MRAP2: variants seen among roughly 807,000 people sequenced by gnomAD.
The protein encoded by MRAP2 is melanocortin-2 receptor accessory protein 2.
MRAP2 carries 20 observed loss-of-function variants against 17.4 expected under a neutral mutation model. That is an observed-to-expected ratio of 1.15 (90% CI 0.81 to 1.67). The LOEUF is 1.67. MRAP2 is among the 40% of genes most tolerant of loss of function. The probability of loss-of-function intolerance (pLI) is 0.00; values close to 1 mark genes in which losing one functional copy is unlikely to be tolerated. For missense variants in MRAP2, 238 were observed against 240.0 expected (o/e 0.99, Z 0.05); for synonymous variants, 96 against 88.4 (o/e 1.09, Z -0.48).
chr6:84,104,250 C>T, the MRAP2 span, among the ~76,000 whole-genome samples: 1 of 152,178 alleles, frequency 6.6e-6, no homozygotes, highest in Non-Finnish European at 1.5e-5. Flanking sequence ...CCCTAGGCTG[C>T]ACACAGCACA....
At chr6:84,068,314 T>C (rs1426775074) in intron 3 of MRAP2, among the ~76,000 whole-genome samples, 1 of 152,212 alleles carries the variant, frequency 6.6e-6, no homozygotes, top group African/African-American at 2.4e-5. Context: ...TGAAACCAGA[T>C]AGTATGATCC....
chr6:84,083,268 G>T (rs2099499474), intron 3 of MRAP2, among the ~76,000 whole-genome samples: 1 of 152,178 alleles, frequency 6.6e-6, no homozygotes, highest in Admixed American at 6.5e-5. Flanking sequence ...ACCATGCCTG[G>T]CCTGTTTACT....
chr6:84,121,904 C>G, the MRAP2 span, among the ~76,000 whole-genome samples: 1 of 148,704 alleles, frequency 6.7e-6, no homozygotes, highest in Non-Finnish European at 1.5e-5. Flanking sequence ...AAACAACAAA[C>G]TGAGTTCAAA....
chr6:84,049,164 T>C lies in MRAP2; in HGVS notation c.-7-6148T>C, dbSNP rs2099489777. ...TTCTGGCTGGGTGCGGTGGCTCATG[T>C]CTGTAATCCCAGCACTTTGGGAGGC... is the stretch of plus-strand genomic sequence containing the variant. On this transcript the variant is annotated intron_variant, in intron 1 of 3. Transcript: ENST00000257776. Among the ~76,000 whole-genome samples, 3 of 152,108 alleles carry C rather than the reference T, an allele frequency of 2.0e-5. No individual in the cohort carries two copies. The South Asian group carries it at 6.2e-4, about 32-fold the overall frequency.
downstream of MRAP2, among the ~76,000 whole-genome samples, chr6:84,091,646 T>G (rs547355633): frequency 1.8e-4 from 27 of 152,204 alleles, no homozygotes; most frequent in Admixed American, 2.6e-4. Context: ...TAGAAGTAGA[T>G]TTATTGATCA....
chr6:84,068,079 T>G (rs1001939075), intron 3 of MRAP2, among the ~76,000 whole-genome samples: 1 of 152,152 alleles, frequency 6.6e-6, no homozygotes, highest in Non-Finnish European at 1.5e-5. Flanking sequence ...AGGTGAGAGA[T>G]AAGGATCCAG....
the MRAP2 span, among the ~76,000 whole-genome samples, chr6:84,127,912 T>C: frequency 2.6e-5 from 4 of 152,184 alleles, 1 homozygote; most frequent in South Asian, 4.1e-4. Flanking sequence ...GTGTTTGAAT[T>C]GAGTCTTAAA....
chr6:84,128,035 A>G, the MRAP2 span, among the ~76,000 whole-genome samples: 13 of 152,200 alleles, frequency 8.5e-5, no homozygotes, highest in African/African-American at 2.9e-4. Flanking sequence ...CTGACTCCTC[A>G]CATAAAATGT....
intron 3 of MRAP2, among the ~76,000 whole-genome samples, chr6:84,064,348 A>C (rs2099493985): frequency 6.6e-6 from 1 of 152,118 alleles, no homozygotes; most frequent in Non-Finnish European, 1.5e-5. Context: ...ATTGCTCCCC[A>C]CTGGCTGAAC....
the MRAP2 span, among the ~76,000 whole-genome samples, chr6:84,131,919 GC>G: frequency 1.3e-5 from 2 of 152,192 alleles, no homozygotes; most frequent in Non-Finnish European, 2.9e-5. Flanking sequence ...ATTAGTTGGT[GC>G]AGTTTCTTCC....
chr6:84,047,367 T>A (rs1219244532), intron 1 of MRAP2, among the ~76,000 whole-genome samples: 1 of 151,728 alleles, frequency 6.6e-6, no homozygotes, highest in Non-Finnish European at 1.5e-5. Context: ...ATTTTTGTAT[T>A]TTTAGTAGAG....
rs142426726 is a variant in MRAP2 at position 84,073,573 on chromosome 6, T to C, written c.227+10581T>C. On this transcript the variant is annotated intron_variant, in intron 3 of 3. Transcript: ENST00000257776. The stretch of plus-strand genomic sequence containing the variant: ...CTGCACACTGCTCTGTCCATCCAAG[T>C]TGGAGTTGCAATCTAGTCCTGCCTC... Among the ~76,000 whole-genome samples, 896 of 152,352 alleles carry C rather than the reference T, an allele frequency of 5.9e-3. 5 individuals carry two copies. Among genetic ancestry groups the C allele is most frequent in the African/African-American group, 0.021 (863 of 41,578 alleles).
chr6:84,138,985 C>T, the MRAP2 span, among the ~76,000 whole-genome samples: 3 of 152,158 alleles, frequency 2.0e-5, no homozygotes, highest in Non-Finnish European at 4.4e-5. Flanking sequence ...ACAATTGGCT[C>T]TATATTTTGC....
Position 84,089,084 on chromosome 6 carries a change from T to G in MRAP2, c.228-7T>G. 6.3e-7 allele frequency: 1 copy of G among 1,591,534 alleles called. No homozygotes were observed. ...TAAGCAGTCTTTTATTTTCTTTTTT[T>G]AAATAGCAATGCAGAGTCCTCAGAG... On this transcript the variant is annotated splice_region_variant and splice_polypyrimidine_tract_variant and intron_variant, in intron 3 of 3. Coordinates refer to ENST00000257776, the MANE Select transcript of MRAP2 (RefSeq NM_138409.4).
At chr6:84,057,291 A>G (rs2099491931) in intron 2 of MRAP2, among the ~76,000 whole-genome samples, 1 of 152,234 alleles carries the variant, frequency 6.6e-6, no homozygotes, top group African/African-American at 2.4e-5. Flanking sequence ...TTCAAAGCTA[A>G]TTAGATGCAG....
the MRAP2 span, among the ~76,000 whole-genome samples, chr6:84,110,464 G>T: frequency 3.1e-4 from 47 of 151,936 alleles, 1 homozygote; most frequent in Admixed American, 2.1e-3. Context: ...TAAGTTCTTT[G>T]TAGATTCTGG....
intron 3 of MRAP2, among the ~76,000 whole-genome samples, chr6:84,065,114 G>C (rs61604960): frequency 6.6e-6 from 1 of 151,794 alleles, no homozygotes; most frequent in Admixed American, 6.6e-5. Context: ...GCAAAACCCT[G>C]TGTCTACAAA....
At chr6:84,040,029 A>C (rs1588618989) in intron 1 of MRAP2, among the ~76,000 whole-genome samples, 1 of 152,214 alleles carries the variant, frequency 6.6e-6, no homozygotes, top group East Asian at 1.9e-4. Flanking sequence ...GTGTGATATG[A>C]TTTGGCTGTG....
chr6:84,043,723 G>A (rs2099488259), intron 1 of MRAP2, among the ~76,000 whole-genome samples: 1 of 152,120 alleles, frequency 6.6e-6, no homozygotes, highest in Non-Finnish European at 1.5e-5. Context: ...GTGTGGCAGA[G>A]GATAGTTTGA....
Sources: allele counts gnomAD v4.1 joint callset (sites outside exome capture counted in the v4.1 genomes callset), GRCh38; gene constraint gnomAD v4.1.1; transcripts MANE v1.5; gene names NCBI Gene and HGNC (gene_info 2026-07-23, HGNC 2026-07-21).